Variants in ACER1 observed in about 807,000 individuals in gnomAD.
ACER1 encodes the protein alkaline ceramidase 1.
A neutral mutation model predicts 24.9 loss-of-function variants in ACER1; 28 were observed. The ratio of observed to expected loss-of-function variants is 1.13; its 90% confidence interval spans 0.83 to 1.54. The LOEUF (loss-of-function observed/expected upper bound fraction) is 1.54. Among genes scored for constraint, ACER1 ranks in the 40% most tolerant of loss-of-function variants. The pLI is 0.00. For synonymous variants in ACER1, 132 were observed against 131.4 expected (o/e 1.00, Z -0.03); for missense variants, 352 against 349.3 (o/e 1.01, Z -0.06).
the ACER1 span, chr19:6,360,089 C>G: frequency 2.4e-4 from 36 of 152,316 alleles, no homozygotes; most frequent in Admixed American, 2.4e-3. Flanking sequence ...TTTGCCCATT[C>G]TTTTTCCTCT....
chr19:6,335,498 C>T (rs62106623), upstream of ACER1, among the ~76,000 whole-genome samples: 30,699 of 151,950 alleles, frequency 0.2, 4,257 homozygotes, highest in East Asian at 0.38. Flanking sequence ...GCTGGGATTA[C>T]AGGCGTGAGC....
chr19:6,322,971 G>T (rs898203661), intron 1 of ACER1, among the ~76,000 whole-genome samples: 2 of 152,038 alleles, frequency 1.3e-5, no homozygotes, highest in Non-Finnish European at 2.9e-5. Context: ...AATTAGCCAG[G>T]TGTGGTGGTG....
At chr19:6,320,730 T>C (rs1265168054) in intron 1 of ACER1, among the ~76,000 whole-genome samples, 1 of 152,130 alleles carries the variant, frequency 6.6e-6, no homozygotes, top group Non-Finnish European at 1.5e-5. Flanking sequence ...GCAATTGTAA[T>C]TTGCATACTG....
chr19:6,352,924 G>A, the ACER1 span, among the ~76,000 whole-genome samples: 1 of 152,204 alleles, frequency 6.6e-6, no homozygotes, highest in Non-Finnish European at 1.5e-5. Flanking sequence ...TGATCATGGA[G>A]TGATAACCAA....
At position 6,306,776 on chromosome 19, in the gene ACER1, G is replaced by A. The variant is rs80167519; in HGVS notation, c.733C>T (p.Arg245Trp). 12 of 1,614,154 alleles carry A rather than the reference G, an allele frequency of 7.4e-6. No individual in the cohort carries two copies. Among genetic ancestry groups the A allele is most frequent in the South Asian group, 5.5e-5 (5 of 91,072 alleles). ...GETLKVRYWPRDSWPVGLPYV... is the reference protein window; with the variant it reads ...GETLKVRYWPWDSWPVGLPYV... ...GGCAGCCCCACGGGCCAACTGTCCCGAGGCCAGTAGCGGACTTTGAGGGTT... is the reference window on the plus strand; with the variant it reads ...GGCAGCCCCACGGGCCAACTGTCCCAAGGCCAGTAGCGGACTTTGAGGGTT... Residue 245 changes from arginine (R) to tryptophan (W), a missense_variant, in exon 6 of 6, where the codon CGG becomes TGG. Transcript: ENST00000301452.
At chr19:6,321,374 C>G (rs950260188) in intron 1 of ACER1, among the ~76,000 whole-genome samples, 1 of 152,172 alleles carries the variant, frequency 6.6e-6, no homozygotes, top group Non-Finnish European at 1.5e-5. Flanking sequence ...CTCCTGGCCT[C>G]AACTGATCCA....
intron 4 of ACER1, among the ~76,000 whole-genome samples, chr19:6,308,081 T>TTAAATAAA (rs59870931): frequency 8.6e-5 from 13 of 150,924 alleles, no homozygotes; most frequent in African/African-American, 3.2e-4. Context: ...AGACTCCATC[T>TTAAATAAA]TAAATAAATA....
At chr19:6,338,558 T>C (rs1320711437), upstream of ACER1, among the ~76,000 whole-genome samples, 7 of 152,206 alleles carry the variant, frequency 4.6e-5, no homozygotes, top group Non-Finnish European at 8.8e-5. Context: ...TATATTATTA[T>C]TGCAGGTTCC....
the ACER1 span, among the ~76,000 whole-genome samples, chr19:6,340,348 GA>G: frequency 1.9e-5 from 2 of 103,546 alleles, no homozygotes; most frequent in Admixed American, 9.5e-5. Flanking sequence ...AGGAAGGAAG[GA>G]AGGAAGGAAG....
chr19:6,356,400 C>A, the ACER1 span, among the ~76,000 whole-genome samples: 1 of 149,258 alleles, frequency 6.7e-6, no homozygotes, highest in African/African-American at 2.5e-5. Context: ...ATCTGCTGAC[C>A]CTCCCTCCAC....
At chr19:6,341,558 A>C in the ACER1 span, among the ~76,000 whole-genome samples, 1 of 151,442 alleles carries the variant, frequency 6.6e-6, no homozygotes, top group South Asian at 2.1e-4. Flanking sequence ...GAAAAAGAAA[A>C]AGAAAAAAGG....
At chr19:6,355,114 T>G in the ACER1 span, among the ~76,000 whole-genome samples, 1 of 152,098 alleles carries the variant, frequency 6.6e-6, no homozygotes, top group African/African-American at 2.4e-5. Flanking sequence ...CGGAGTCTGG[T>G]TCACTCAGTG....
chr19:6,328,210 G>A (rs1256926694), intron 1 of ACER1, among the ~76,000 whole-genome samples: 2 of 152,012 alleles, frequency 1.3e-5, no homozygotes, highest in African/African-American at 4.8e-5. Context: ...AAAAATATTG[G>A]CCAGGCGTGG....
chr19:6,312,236 T>C lies in ACER1; in HGVS notation c.263A>G (p.Asp88Gly). ...CAGGAGCCACAGGATGGCGATCTCGTCCAGCAGCTGGCCCAGGAAGCTGAG... is the reference window on the plus strand; with the variant it reads ...CAGGAGCCACAGGATGGCGATCTCGCCCAGCAGCTGGCCCAGGAAGCTGAG... ...MTLSFLGQLL[D>G]EIAILWLLGS... is the part of the protein sequence containing the mutation. Residue 88 changes from aspartate to glycine, a missense_variant, in exon 3 of 6, where the codon GAC becomes GGC. Asp to Gly is a moderately conservative substitution (Grantham distance 94, BLOSUM62 -1). Transcript: ENST00000301452. 13 of 1,613,940 alleles carry C rather than the reference T, an allele frequency of 8.1e-6. No individual in the cohort carries two copies. Among genetic ancestry groups the C allele is most frequent in the Non-Finnish European group, 1.1e-5 (13 of 1,179,926 alleles).
chr19:6,315,832 A>G (rs770076953), intron 1 of ACER1, among the ~76,000 whole-genome samples: 4 of 152,216 alleles, frequency 2.6e-5, no homozygotes, highest in Non-Finnish European at 4.4e-5. Flanking sequence ...CTATTTAGCC[A>G]TTAAAAAAAG....
upstream of ACER1, among the ~76,000 whole-genome samples, chr19:6,334,779 T>C (rs1303012733): frequency 6.6e-6 from 1 of 151,700 alleles, no homozygotes; most frequent in African/African-American, 2.4e-5. Context: ...AGATAAAGCA[T>C]GTACAAAGGC....
At chr19:6,337,240 G>C (rs2091717829), upstream of ACER1, among the ~76,000 whole-genome samples, 1 of 151,716 alleles carries the variant, frequency 6.6e-6, no homozygotes, top group Admixed American at 6.6e-5. Context: ...CCAATATTTG[G>C]AGAAGAGAGG....
At chr19:6,349,229 C>A in the ACER1 span, among the ~76,000 whole-genome samples, 5 of 151,420 alleles carry the variant, frequency 3.3e-5, no homozygotes, top group Non-Finnish European at 7.4e-5. Flanking sequence ...GTAATCCCAG[C>A]GCTTTGAGAA....
intron 3 of ACER1, among the ~76,000 whole-genome samples, chr19:6,311,631 GAGAAGA>G (rs113299637): frequency 1.8e-4 from 26 of 148,316 alleles, no homozygotes; most frequent in Middle Eastern, 3.4e-3. Context: ...GGAGGAGGAG[GAGAAGA>G]AGAAGAAGAA....
Sources: gnomAD v4.1 joint callset for allele counts (sites outside exome capture counted in the v4.1 genomes callset) on GRCh38, gnomAD v4.1.1 for gene constraint, MANE v1.5 for transcripts, NCBI Gene and HGNC (gene_info 2026-07-23, HGNC 2026-07-21) for gene names.